SUGCT: variants seen among roughly 807,000 people sequenced by gnomAD.
The protein encoded by SUGCT is succinyl-CoA:glutarate CoA-transferase.
A neutral mutation model predicts 55.0 loss-of-function variants in SUGCT; 41 were observed. The observed-to-expected ratio is 0.74, with a 90% CI of 0.58 to 0.97. SUGCT has a LOEUF of 0.97. Among genes scored for constraint, SUGCT ranks in the 50% least tolerant of loss-of-function variants. SUGCT has a pLI of 0.00. For synonymous variants in SUGCT, 187 were observed against 200.4 expected (o/e 0.93, Z 0.56); for missense variants, 568 against 547.8 (o/e 1.04, Z -0.37).
At chr7:40,962,565 T>TCACA in the SUGCT span, among the ~76,000 whole-genome samples, 974 of 136,100 alleles carry the variant, frequency 7.2e-3, 5 homozygotes, top group African/African-American at 0.012. Flanking sequence ...CAAAGGTAAA[T>TCACA]CACACACACA....
chr7:40,991,936 T>C, the SUGCT span, among the ~76,000 whole-genome samples: 1 of 152,060 alleles, frequency 6.6e-6, no homozygotes, highest in Non-Finnish European at 1.5e-5. Context: ...CCAGAGAATG[T>C]GTTTCCAGAA....
chr7:40,418,578 CA>C (rs1787133717), intron 9 of SUGCT, among the ~76,000 whole-genome samples: 5 of 152,192 alleles, frequency 3.3e-5, no homozygotes, highest in Admixed American at 2.6e-4. Context: ...GGCTGGCCTG[CA>C]GATGAGCAGA....
At chr7:40,265,377 T>G (rs1469927680) in intron 7 of SUGCT, among the ~76,000 whole-genome samples, 1 of 152,192 alleles carries the variant, frequency 6.6e-6, no homozygotes, top group Non-Finnish European at 1.5e-5. Context: ...CCCAAATTGA[T>G]TTACAGCTTC....
At chr7:40,579,806 G>T (rs955754503) in intron 12 of SUGCT, among the ~76,000 whole-genome samples, 8 of 152,170 alleles carry the variant, frequency 5.3e-5, no homozygotes, top group African/African-American at 1.9e-4. Flanking sequence ...TACCCAATGT[G>T]AGGCCAAAGC....
intron 12 of SUGCT, among the ~76,000 whole-genome samples, chr7:40,733,552 C>T (rs1317736890): frequency 6.6e-6 from 1 of 152,154 alleles, no homozygotes; most frequent in Non-Finnish European, 1.5e-5. Context: ...GTTTTTAAGT[C>T]TTAGAAACGT....
intron 12 of SUGCT, among the ~76,000 whole-genome samples, chr7:40,716,041 C>T (rs771727743): frequency 7.2e-5 from 11 of 152,250 alleles, no homozygotes; most frequent in African/African-American, 2.4e-4. Flanking sequence ...ACAGACAAGC[C>T]GCTTATTAAG....
chr7:40,694,318 T>C (rs1038586713), intron 12 of SUGCT, among the ~76,000 whole-genome samples: 2 of 152,208 alleles, frequency 1.3e-5, no homozygotes, highest in African/African-American at 4.8e-5. Context: ...TTGCAAAGCA[T>C]GTGAGCAGGC....
At chr7:40,434,365 A>G (rs116742553) in intron 9 of SUGCT, among the ~76,000 whole-genome samples, 392 of 152,252 alleles carry the variant, frequency 2.6e-3, no homozygotes, top group Middle Eastern at 0.017. Flanking sequence ...CTAGCAGTTT[A>G]TCATGGTTCC....
At chr7:40,680,222 T>C (rs996881042) in intron 12 of SUGCT, among the ~76,000 whole-genome samples, 1 of 152,186 alleles carries the variant, frequency 6.6e-6, no homozygotes, top group African/African-American at 2.4e-5. Flanking sequence ...ATAGATGGAT[T>C]TCTTTTAAAA....
intron 13 of SUGCT, among the ~76,000 whole-genome samples, chr7:40,820,952 T>G (rs1161317370): frequency 6.6e-6 from 1 of 152,202 alleles, no homozygotes; most frequent in Non-Finnish European, 1.5e-5. Context: ...ATACCTAGTT[T>G]ATTGAGAGTT....
chr7:40,760,982 G>A (rs1364339120), intron 13 of SUGCT, among the ~76,000 whole-genome samples: 1 of 152,114 alleles, frequency 6.6e-6, no homozygotes, highest in East Asian at 1.9e-4. Flanking sequence ...GTAGTCTTGG[G>A]GAAAAATAAA....
At chr7:40,498,183 A>G (rs983910670) in intron 12 of SUGCT, among the ~76,000 whole-genome samples, 7 of 152,186 alleles carry the variant, frequency 4.6e-5, no homozygotes, top group Non-Finnish European at 8.8e-5. Flanking sequence ...TACTATTACA[A>G]ATGTCTCTAC....
the SUGCT span, among the ~76,000 whole-genome samples, chr7:40,907,982 T>C: frequency 7.2e-6 from 1 of 138,048 alleles, no homozygotes; most frequent in Non-Finnish European, 1.6e-5. Flanking sequence ...ATTATCTAGT[T>C]TTTTTTTTGT....
chr7:41,003,523 A>G, the SUGCT span, among the ~76,000 whole-genome samples: 5 of 152,220 alleles, frequency 3.3e-5, no homozygotes, highest in Non-Finnish European at 7.3e-5. Context: ...AATCTTGCCT[A>G]CTTTCTCAAA....
At chr7:40,962,973 A>G in the SUGCT span, among the ~76,000 whole-genome samples, 1 of 152,150 alleles carries the variant, frequency 6.6e-6, no homozygotes, top group Non-Finnish European at 1.5e-5. Context: ...AATAATGTCG[A>G]AGAAGAAACT....
At chr7:40,812,796 A>G (rs1210535923) in intron 13 of SUGCT, among the ~76,000 whole-genome samples, 1 of 152,040 alleles carries the variant, frequency 6.6e-6, no homozygotes, top group Non-Finnish European at 1.5e-5. Context: ...TACTTCCTCT[A>G]GGTGTGAGAT....
chr7:40,487,147 C>T (rs777016085), intron 11 of SUGCT, among the ~76,000 whole-genome samples: 56 of 141,760 alleles, frequency 4.0e-4, no homozygotes, highest in Non-Finnish European at 7.4e-4. Context: ...TGCAATGGCA[C>T]GATCTCGGCT....
At chr7:40,952,553 G>T in the SUGCT span, among the ~76,000 whole-genome samples, 1 of 152,146 alleles carries the variant, frequency 6.6e-6, no homozygotes, top group Non-Finnish European at 1.5e-5. Flanking sequence ...TAGCATCAAT[G>T]GTCTTTACAA....
intron 12 of SUGCT, among the ~76,000 whole-genome samples, chr7:40,724,744 A>G (rs895889224): frequency 1.3e-5 from 2 of 150,872 alleles, no homozygotes; most frequent in African/African-American, 4.9e-5. Context: ...ATATACACAT[A>G]TAAGTTACAT....
Sources: gnomAD v4.1 joint callset for allele counts (sites outside exome capture counted in the v4.1 genomes callset) on GRCh38, gnomAD v4.1.1 for gene constraint, MANE v1.5 for transcripts, NCBI Gene and HGNC (gene_info 2026-07-23, HGNC 2026-07-21) for gene names.